Variants in DCP1A observed in about 807,000 individuals in gnomAD.
DCP1A encodes mRNA-decapping enzyme 1A.
Under a neutral mutation model 58.0 loss-of-function variants are expected in DCP1A, and 20 were observed. The observed-to-expected ratio is 0.34, with a 90% CI of 0.24 to 0.50. The LOEUF (loss-of-function observed/expected upper bound fraction) is 0.50. Among genes scored for constraint, DCP1A ranks in the 20% least tolerant of loss-of-function variants. The pLI, the probability that DCP1A is intolerant of heterozygous loss-of-function variation, is 0.98. For synonymous variants in DCP1A, 285 were observed against 275.1 expected (o/e 1.04, Z -0.36); for missense variants, 613 against 712.2 (o/e 0.86, Z 1.59).
intron 5 of DCP1A, among the ~76,000 whole-genome samples, chr3:53,307,927 GT>G (rs1276968334): frequency 6.6e-6 from 1 of 152,066 alleles, no homozygotes; most frequent in Non-Finnish European, 1.5e-5. Context: ...ATAAATATCA[GT>G]TTTTTCAAAA....
At chr3:53,317,537 T>C (rs1291350637) in intron 4 of DCP1A, among the ~76,000 whole-genome samples, 1 of 152,168 alleles carries the variant, frequency 6.6e-6, no homozygotes, top group Non-Finnish European at 1.5e-5. Flanking sequence ...CAAGTGATCA[T>C]CTAATAAATG....
At chr3:53,316,305 C>G (rs567278110) in intron 4 of DCP1A, among the ~76,000 whole-genome samples, 1 of 152,304 alleles carries the variant, frequency 6.6e-6, no homozygotes, top group East Asian at 1.9e-4. Flanking sequence ...AGATAGTCTT[C>G]TTTAGTTTTG....
chr3:53,340,071 G>A (rs1553692371), intron 3 of DCP1A, among the ~76,000 whole-genome samples: 1 of 152,018 alleles, frequency 6.6e-6, no homozygotes. Context: ...CTACAAGTGT[G>A]TGACACCACA....
Position 53,319,581 on chromosome 3 carries a change from C to T in DCP1A, c.305-108G>A, listed in dbSNP as rs1167538042. The stretch of plus-strand genomic sequence containing the variant: ...GAATTCACTAAATGTACCATCAGAC[C>T]CTCAAATTGTTAATACTCTATCTAA... On this transcript the variant is annotated intron_variant, in intron 3 of 9. Transcript: ENST00000610213. 1.1e-5 allele frequency: 7 copies of T among 645,268 alleles called. No homozygotes were observed. In the Admixed American group the frequency reaches 2.0e-4, roughly 18 times the overall value. 40.0% of individuals were successfully genotyped at this position (645,268 alleles called of 1,614,324 possible).
intron 6 of DCP1A, among the ~76,000 whole-genome samples, chr3:53,296,584 C>T (rs1190182938): frequency 6.6e-6 from 1 of 152,184 alleles, no homozygotes; most frequent in Non-Finnish European, 1.5e-5. Flanking sequence ...TTTTAAAAAA[C>T]TGTAGTAAAA....
At chr3:53,290,656 G>A in intron 8 of DCP1A, 135 bp downstream of exon 8, 3 of 731,036 alleles carry the variant, frequency 4.1e-6, no homozygotes, top group Non-Finnish European at 7.1e-6. Flanking sequence ...TCCAAAGGGA[G>A]TGAATTATCT....
chr3:53,320,085 G>A (rs1018018954), intron 3 of DCP1A, among the ~76,000 whole-genome samples: 5 of 150,826 alleles, frequency 3.3e-5, no homozygotes, highest in African/African-American at 4.9e-5. Flanking sequence ...CCGAGATCAC[G>A]CCACTGCACT....
At chr3:53,315,072 C>T (rs186511687) in intron 4 of DCP1A, among the ~76,000 whole-genome samples, 3 of 152,212 alleles carry the variant, frequency 2.0e-5, no homozygotes, top group Non-Finnish European at 4.4e-5. Flanking sequence ...GACTCTAAGG[C>T]CTCTTCTAAT....
At chr3:53,318,583 C>T (rs782440598) in intron 4 of DCP1A, among the ~76,000 whole-genome samples, 7 of 152,132 alleles carry the variant, frequency 4.6e-5, no homozygotes, top group African/African-American at 1.4e-4. Flanking sequence ...CCTGAAGCCC[C>T]GTGTAATGGG....
chr3:53,309,716 G>C (rs1707586865), intron 5 of DCP1A, among the ~76,000 whole-genome samples: 2 of 152,244 alleles, frequency 1.3e-5, no homozygotes, highest in African/African-American at 4.8e-5. Flanking sequence ...AGTGGGCCAA[G>C]ATTGTGCCCC....
At position 53,288,091 on chromosome 3, in the gene DCP1A, G is replaced by C; in HGVS notation, c.1642C>G (p.Gln548Glu). The C allele has an allele frequency of 1.2e-6, 2 of 1,613,906 alleles. No individual in the cohort carries two copies. Among genetic ancestry groups the C allele is most frequent in the Non-Finnish European group, 1.7e-6 (2 of 1,179,784 alleles). Residue 548 changes from glutamine (Q) to glutamate (E), a missense_variant, in exon 9 of 10, where the codon CAG (glutamine) becomes GAG (glutamate). This residue lies in a region of DCP1A where 498 missense variants were observed against 556.7 expected (regional missense o/e 0.89). Coordinates refer to ENST00000610213, the MANE Select transcript of DCP1A (RefSeq NM_018403.7). Reference protein sequence around the residue: ...PSIILSKSQLQDTLIHLIKND... With the variant: ...PSIILSKSQLEDTLIHLIKND... ...TTTATTAGATGTATTAATGTATCCTGGAGCTGAGACTTGCTGAGAATAATG... is the reference window on the plus strand; with the variant it reads ...TTTATTAGATGTATTAATGTATCCTCGAGCTGAGACTTGCTGAGAATAATG...
chr3:53,324,034 T>A (rs1553690325), intron 3 of DCP1A, among the ~76,000 whole-genome samples: 1 of 152,202 alleles, frequency 6.6e-6, no homozygotes, highest in East Asian at 1.9e-4. Flanking sequence ...CCATCAAAGC[T>A]GTCAACTTAT....
chr3:53,329,374 C>T (rs993630133), intron 3 of DCP1A: 3 of 398,332 alleles, frequency 7.5e-6, no homozygotes, highest in Non-Finnish European at 1.3e-5. Flanking sequence ...ATCAAGAGAT[C>T]GATGCCCGAT....
At chr3:53,335,551 C>T (rs1418367962) in intron 3 of DCP1A, among the ~76,000 whole-genome samples, 1 of 152,180 alleles carries the variant, frequency 6.6e-6, no homozygotes, top group African/African-American at 2.4e-5. Flanking sequence ...AATATTGCCT[C>T]TCTACAAATC....
chr3:53,342,344 T>G, intron 2 of DCP1A, 73 bp from the exon 3 acceptor site: 1 of 1,120,594 alleles, frequency 8.9e-7, no homozygotes, highest in Non-Finnish European at 1.3e-6. Flanking sequence ...ACTATGTACT[T>G]TATTTTCATT....
At chr3:53,288,014 T>G in intron 9 of DCP1A, 51 bp downstream of exon 9, 1 of 1,499,952 alleles carries the variant, frequency 6.7e-7, no homozygotes, top group Non-Finnish European at 9.1e-7. Flanking sequence ...TTTATAAAAT[T>G]TCTTTCATTA....
chr3:53,345,154 A>G (rs1423274979), intron 1 of DCP1A, among the ~76,000 whole-genome samples: 2 of 152,190 alleles, frequency 1.3e-5, no homozygotes, highest in African/African-American at 4.8e-5. Context: ...AGCATATGCA[A>G]TATTTAATCC....
rs909201716 is a variant in DCP1A at position 53,288,148 on chromosome 3, T to C, written c.1585A>G (p.Ile529Val). The change falls in exon 9 of 10, where the codon ATT becomes GTT. Residue 529 changes from isoleucine (I) to valine (V), a missense_variant. Ile to Val is a conservative substitution (Grantham distance 29). Transcript: ENST00000610213. ...RKASSPSPLT[I>V]GTPESQRKPS... ...TTTCTCTGACTTTCTGGCGTTCCAA[T>C]AGTTAGAGGAGAAGGGGAGCTGGCT... The C allele has an allele frequency of 3.1e-6, 5 of 1,614,024 alleles. No individual in the cohort carries two copies. Among genetic ancestry groups the C allele is most frequent in the Middle Eastern group, 3.3e-4 (2 of 6,062 alleles).
At chr3:53,323,861 C>CAAAA (rs11451581) in intron 3 of DCP1A, among the ~76,000 whole-genome samples, 24 of 72,674 alleles carry the variant, frequency 3.3e-4, no homozygotes, top group South Asian at 2.9e-3. Flanking sequence ...GACTCTGTCT[C>CAAAA]AAAAAAAAAA....
Sources: gnomAD v4.1 joint callset for allele counts (sites outside exome capture counted in the v4.1 genomes callset) on GRCh38, gnomAD v4.1.1 for gene constraint, gnomAD v4.1.1 regional missense constraint, MANE v1.5 for transcripts, NCBI Gene and HGNC (gene_info 2026-07-23, HGNC 2026-07-21) for gene names.